MAP1LC3C: variants seen among roughly 807,000 people sequenced by gnomAD.
MAP1LC3C encodes the protein microtubule associated protein 1 light chain 3 gamma.
MAP1LC3C carries 12 observed loss-of-function variants against 10.4 expected under a neutral mutation model. The observed-to-expected ratio is 1.15, with a 90% CI of 0.74 to 1.86. The LOEUF (loss-of-function observed/expected upper bound fraction) is 1.86, where lower values mean the gene tolerates loss of function less well. Ranked by LOEUF, MAP1LC3C falls within the 40% of genes most tolerant of loss-of-function variation. The pLI is 0.00. For synonymous variants in MAP1LC3C, 70 were observed against 69.0 expected (o/e 1.01, Z -0.07); for missense variants, 177 against 185.7 (o/e 0.95, Z 0.27).
intron 3 of MAP1LC3C, among the ~76,000 whole-genome samples, chr1:241,998,021 C>CTTTTTTTTTTTTTTTTTTTTTTTTTT: frequency 1.0e-5 from 1 of 95,414 alleles, no homozygotes; most frequent in Non-Finnish European, 2.0e-5. Flanking sequence ...TAGAGTAATT[C>CTTTTTTTTTTTTTTTTTTTTTTTTTT]TTTTTTTTTT....
chr1:241,996,624 T>C (rs909813575), intron 3 of MAP1LC3C, among the ~76,000 whole-genome samples: 1 of 151,980 alleles, frequency 6.6e-6, no homozygotes, highest in Non-Finnish European at 1.5e-5. Context: ...CCATTTGCTA[T>C]GAAATTAAAG....
intron 3 of MAP1LC3C, among the ~76,000 whole-genome samples, chr1:241,997,861 G>A (rs1024701759): frequency 3.9e-5 from 6 of 152,004 alleles, no homozygotes; most frequent in Non-Finnish European, 8.8e-5. Context: ...CAACGGACGC[G>A]CAGACTCGGT....
rs766479093 is a variant in MAP1LC3C at position 241,998,779 on chromosome 1, G to C, written c.111C>G (p.Ile37Met). The change falls in exon 2 of 4, where the codon ATC becomes ATG. Residue 37 changes from isoleucine to methionine, a missense_variant. Physicochemically the swap from Ile to Met is conservative, Grantham distance 10 (BLOSUM62 1). Coordinates refer to ENST00000357246, the MANE Select transcript of MAP1LC3C (RefSeq NM_001004343.3). Reference sequence around the variant, plus strand: ...CGGAAGTCCAGTGGTGTCTTACCGGGATTTTGTTGGGGAACTTTGCCCGGA... The same window carrying C: ...CGGAAGTCCAGTGGTGTCTTACCGGCATTTTGTTGGGGAACTTTGCCCGGA... ...AGIRAKFPNK[I>M]PVVVERYPRE... is the part of the protein sequence containing the mutation. The C allele has an allele frequency of 2.5e-6, 4 of 1,614,128 alleles. No individual in the cohort carries two copies. The highest frequency in any genetic ancestry group is 1.7e-5 in the Admixed American group (1 of 59,990).
At position 241,999,002 on chromosome 1, in the gene MAP1LC3C, G is replaced by A; in HGVS notation, c.7C>T (p.Pro3Ser). Residue 3 changes from proline (P) to serine (S), a missense_variant, in exon 1 of 4, where the codon CCT becomes TCT. Physicochemically the swap from Pro to Ser is moderately conservative, Grantham distance 74. Coordinates refer to ENST00000357246, the MANE Select transcript of MAP1LC3C (RefSeq NM_001004343.3). ...CTGACGCTTGGGATTTTCTGTGGAG[G>A]CGGCATTGCACTCAGTAGCTGTGTC... is the stretch of plus-strand genomic sequence containing the variant. MP[P>S]PQKIPSVRPF... 1 of 1,609,268 alleles carries A rather than the reference G, an allele frequency of 6.2e-7. No homozygotes were observed. Among genetic ancestry groups the A allele is most frequent in the Non-Finnish European group, 8.5e-7 (1 of 1,179,052 alleles).
chr1:241,999,497 G>A (rs1012476050), upstream of MAP1LC3C, among the ~76,000 whole-genome samples: 2 of 152,118 alleles, frequency 1.3e-5, no homozygotes, highest in African/African-American at 4.8e-5. Context: ...GAAGTGATTT[G>A]CTCGAGGGCA....
Position 241,999,097 on chromosome 1 carries a change from C to T in MAP1LC3C, c.-89G>A. On this transcript the variant is annotated 5_prime_UTR_variant, in exon 1 of 4. Coordinates refer to ENST00000357246, the MANE Select transcript of MAP1LC3C (RefSeq NM_001004343.3). The stretch of plus-strand genomic sequence containing the variant: ...ACTCATTCCTCCAGCTGCTTCCAAA[C>T]TGCCTGCAGGAGCCTGAAGGAGGCC... 6.6e-7 allele frequency: 1 copy of T among 1,516,626 alleles called. No homozygotes were observed. The allele number at this position is 1,516,626 out of a possible 1,614,324, so 93.9% of individuals were successfully genotyped here.
chr1:242,000,091 A>C (rs1403010767), upstream of MAP1LC3C, among the ~76,000 whole-genome samples: 3 of 152,138 alleles, frequency 2.0e-5, no homozygotes, highest in Non-Finnish European at 2.9e-5. Context: ...TACACCGAGC[A>C]ATCACTTCTA....
At chr1:241,999,104 C>G (rs1665148542), upstream of MAP1LC3C, 2 of 1,504,232 alleles carry the variant, frequency 1.3e-6, no homozygotes, top group Admixed American at 2.4e-5. Flanking sequence ...AAACTGCCTG[C>G]AGGAGCCTGA....
At chr1:242,001,223 G>A (rs1487392808), upstream of MAP1LC3C, among the ~76,000 whole-genome samples, 2 of 152,128 alleles carry the variant, frequency 1.3e-5, no homozygotes, top group African/African-American at 4.8e-5. Flanking sequence ...CTTGCAGTAA[G>A]CTGAGATTGT....
At chr1:242,000,739 C>T (rs920983586), upstream of MAP1LC3C, among the ~76,000 whole-genome samples, 2 of 152,138 alleles carry the variant, frequency 1.3e-5, no homozygotes, top group Non-Finnish European at 2.9e-5. Context: ...GGAACCTCCA[C>T]GTGTTCAGCT....
At chr1:241,999,834 A>C (rs1219756762), upstream of MAP1LC3C, among the ~76,000 whole-genome samples, 2 of 151,658 alleles carry the variant, frequency 1.3e-5, no homozygotes, top group African/African-American at 4.9e-5. Context: ...CAAAACAAAA[A>C]AAACCCAGAG....
intron 3 of MAP1LC3C, 37 bp downstream of exon 3, chr1:241,998,477 G>T (rs1381915108): frequency 6.3e-7 from 1 of 1,588,832 alleles, no homozygotes; most frequent in East Asian, 2.2e-5. Flanking sequence ...GGCGCACCCA[G>T]CGCACCTTCC....
upstream of MAP1LC3C, among the ~76,000 whole-genome samples, chr1:241,999,558 G>A (rs1236821129): frequency 6.6e-6 from 1 of 152,198 alleles, no homozygotes; most frequent in Non-Finnish European, 1.5e-5. Context: ...CTGTACACTG[G>A]GTGCAGTGGC....
Position 241,998,618 on chromosome 1 carries a change from C to T in MAP1LC3C, c.117G>A (p.Val39=). ...IRAKFPNKIP[V]VVERYPRETF... ...TCTCCCTGGGGTAGCGCTCCACTACCACCTGTCAAGAGTGTCAGTCCTTAA... is the reference window on the plus strand; with the variant it reads ...TCTCCCTGGGGTAGCGCTCCACTACTACCTGTCAAGAGTGTCAGTCCTTAA... The change falls in exon 3 of 4, where the codon GTG becomes GTA. Residue 39 remains valine (V), a splice_region_variant and synonymous_variant. Transcript: ENST00000357246. The T allele has an allele frequency of 1.2e-6, 2 of 1,610,224 alleles. No individual in the cohort carries two copies. The highest frequency in any genetic ancestry group is 1.7e-6 in the Non-Finnish European group (2 of 1,178,350).
chr1:241,996,169 A>G lies in MAP1LC3C; in HGVS notation c.438T>C (p.Pro146=). The G allele has an allele frequency of 6.2e-7, 1 of 1,613,292 alleles. No homozygotes were observed. The highest frequency in any genetic ancestry group is 1.1e-5 in the South Asian group (1 of 91,038). The part of the protein sequence containing the change: ...GSSLEDRPCN[P]L Reference sequence around the variant, plus strand: ...ACATCCTTCCCGACATGGGCTAGAGAGGATTGCAGGGTCTGTCCTCAAGGC... The same window carrying G: ...ACATCCTTCCCGACATGGGCTAGAGGGGATTGCAGGGTCTGTCCTCAAGGC... Residue 146 remains proline (P), a synonymous_variant, in exon 4 of 4, where the codon CCT becomes CCC. Coordinates refer to ENST00000357246, the MANE Select transcript of MAP1LC3C (RefSeq NM_001004343.3).
chr1:241,996,956 T>G (rs1665098122), intron 3 of MAP1LC3C, among the ~76,000 whole-genome samples: 1 of 144,354 alleles, frequency 6.9e-6, no homozygotes, highest in Non-Finnish European at 1.5e-5. Flanking sequence ...TCCCTAGAAG[T>G]ACAAAGGTGA....
chr1:241,996,286 GTC>G lies in MAP1LC3C; in HGVS notation c.319_320del (p.Asp107LeufsTer4). The G allele has an allele frequency of 6.2e-7, 1 of 1,614,182 alleles. No individual in the cohort carries two copies. The highest frequency in any genetic ancestry group is 8.5e-7 in the Non-Finnish European group (1 of 1,180,042). The stretch of plus-strand genomic sequence containing the variant: ...ACACGAAGCCATCCTCATCCTTGTA[GTC>G]TCTGTAGATCTCTGCCATGGTTGCG... ...MSATMAEIYR[D>X]YKDEDGFVYM... On this transcript the variant is annotated frameshift_variant, in exon 4 of 4. Coordinates refer to ENST00000357246, the MANE Select transcript of MAP1LC3C (RefSeq NM_001004343.3). LOFTEE classifies it low-confidence loss of function (END_TRUNC).
intron 3 of MAP1LC3C, among the ~76,000 whole-genome samples, chr1:241,998,302 A>G (rs1424982845): frequency 1.3e-5 from 2 of 152,162 alleles, no homozygotes; most frequent in East Asian, 3.9e-4. Context: ...GATTACAGGC[A>G]TGAGCCACTC....
At position 241,998,605 on chromosome 1, in the gene MAP1LC3C, A is replaced by G. The variant is rs1181852993; in HGVS notation, c.130T>C (p.Tyr44His). The G allele has an allele frequency of 6.2e-7, 1 of 1,611,558 alleles. No homozygotes were observed. Among genetic ancestry groups the G allele is most frequent in the Admixed American group, 1.7e-5 (1 of 59,596 alleles). ...GGGGGCAGGAACGTCTCCCTGGGGT[A>G]GCGCTCCACTACCACCTGTCAAGAG... Reference protein sequence around the residue: ...PNKIPVVVERYPRETFLPPLD... With the variant: ...PNKIPVVVERHPRETFLPPLD... The change falls in exon 3 of 4, where the codon TAC (tyrosine) becomes CAC (histidine). Residue 44 changes from tyrosine (Y) to histidine (H), a missense_variant. Tyr to His is a moderately conservative substitution (Grantham distance 83). Transcript: ENST00000357246.
Sources: gnomAD v4.1 joint callset for allele counts (sites outside exome capture counted in the v4.1 genomes callset) on GRCh38, gnomAD v4.1.1 for gene constraint, MANE v1.5 for transcripts, NCBI Gene and HGNC (gene_info 2026-07-23, HGNC 2026-07-21) for gene names.